Variants in CAST observed in about 807,000 individuals in gnomAD.
The protein encoded by CAST is MIR583 host.
In CAST, 76 loss-of-function variants were observed where a neutral mutation model predicts 119.6. The ratio of observed to expected loss-of-function variants is 0.64; its 90% CI spans 0.53 to 0.77. The LOEUF is 0.77. CAST is among the 30% of genes least tolerant of loss of function. CAST has a pLI of 0.00. For synonymous variants in CAST, 319 were observed against 331.6 expected (o/e 0.96, Z 0.41); for missense variants, 953 against 946.5 (o/e 1.01, Z -0.09).
chr5:96,437,082 G>A, the CAST span, among the ~76,000 whole-genome samples: 2 of 152,296 alleles, frequency 1.3e-5, no homozygotes, highest in South Asian at 4.1e-4. Context: ...GTGATTAGAA[G>A]ACCAAATATC....
chr5:96,383,259 G>GA, the CAST span, among the ~76,000 whole-genome samples: 109,474 of 152,006 alleles, frequency 0.72, 40,717 homozygotes, highest in African/African-American at 0.92. Context: ...AGAAATGGAG[G>GA]AAAGCATTTC....
the CAST span, among the ~76,000 whole-genome samples, chr5:96,114,388 G>A: frequency 2.0e-5 from 3 of 152,318 alleles, no homozygotes; most frequent in South Asian, 4.1e-4. Context: ...GTACATTGAA[G>A]TTTGAGAGCT....
chr5:96,658,582 G>T (rs1299160381), upstream of CAST, among the ~76,000 whole-genome samples: 1 of 152,144 alleles, frequency 6.6e-6, no homozygotes, highest in Non-Finnish European at 1.5e-5. Context: ...AAACTGCTTT[G>T]CCCCTGTCCA....
chr5:96,302,854 T>A, the CAST span, among the ~76,000 whole-genome samples: 1 of 152,230 alleles, frequency 6.6e-6, no homozygotes, highest in Non-Finnish European at 1.5e-5. Context: ...TGTTCCAAAC[T>A]GTCCCTTATC....
At chr5:96,469,966 A>G in the CAST span, among the ~76,000 whole-genome samples, 1 of 150,422 alleles carries the variant, frequency 6.6e-6, no homozygotes, top group Non-Finnish European at 1.5e-5. Context: ...ATTATTATAA[A>G]CATGATGTAA....
At chr5:96,592,251 A>T (rs1746974688) in intron 1 of CAST, among the ~76,000 whole-genome samples, 1 of 151,564 alleles carries the variant, frequency 6.6e-6, no homozygotes, top group Non-Finnish European at 1.5e-5. Context: ...ATACAGGGGG[A>T]TTGGCCAGGT....
chr5:96,265,792 G>T, the CAST span, among the ~76,000 whole-genome samples: 25 of 152,170 alleles, frequency 1.6e-4, no homozygotes, highest in Non-Finnish European at 2.9e-4. Context: ...GCCTATTGAA[G>T]TTGAAAACCC....
chr5:96,259,982 A>G, the CAST span, among the ~76,000 whole-genome samples: 8 of 151,814 alleles, frequency 5.3e-5, no homozygotes, highest in African/African-American at 1.9e-4. Flanking sequence ...CTATTTAACA[A>G]TTTACTCCAG....
the CAST span, among the ~76,000 whole-genome samples, chr5:96,431,124 C>T: frequency 6.6e-6 from 1 of 152,194 alleles, no homozygotes; most frequent in East Asian, 1.9e-4. Flanking sequence ...ATAGGTCATA[C>T]ATGATTTGTA....
the CAST span, among the ~76,000 whole-genome samples, chr5:96,332,469 T>TAG: frequency 1.3e-3 from 196 of 152,268 alleles, no homozygotes; most frequent in Non-Finnish European, 1.2e-3. Context: ...TAATATTGCT[T>TAG]ATCCTAAGTA....
the CAST span, among the ~76,000 whole-genome samples, chr5:96,192,691 T>G: frequency 6.6e-6 from 1 of 152,196 alleles, no homozygotes; most frequent in Non-Finnish European, 1.5e-5. Context: ...ACGTCAGACT[T>G]GGCCATGTGT....
At chr5:96,518,293 A>G in the CAST span, among the ~76,000 whole-genome samples, 1 of 152,238 alleles carries the variant, frequency 6.6e-6, no homozygotes, top group African/African-American at 2.4e-5. Context: ...TACAGATATT[A>G]TATCACTGAG....
the CAST span, among the ~76,000 whole-genome samples, chr5:96,310,415 G>A: frequency 1.3e-5 from 2 of 152,116 alleles, no homozygotes; most frequent in East Asian, 3.8e-4. Flanking sequence ...GTCTTTGTCT[G>A]GCTTTGGTAT....
intron 5 of CAST, 30 bp from the exon 6 acceptor site, chr5:96,727,459 C>T (rs748508151): frequency 1.5e-6 from 2 of 1,321,854 alleles, no homozygotes; most frequent in Non-Finnish European, 1.1e-6. Context: ...TTCTTCCTTC[C>T]TTTTTTTCTT....
chr5:96,655,952 A>G (rs1200519003), intron 1 of CAST, among the ~76,000 whole-genome samples: 1 of 152,258 alleles, frequency 6.6e-6, no homozygotes, highest in Non-Finnish European at 1.5e-5. Flanking sequence ...ATAAACATGA[A>G]CAGGCAAAGA....
intron 3 of CAST, among the ~76,000 whole-genome samples, chr5:96,704,015 G>A (rs1754435941): frequency 6.6e-6 from 1 of 152,162 alleles, no homozygotes; most frequent in South Asian, 2.1e-4. Flanking sequence ...AGGCAGTATA[G>A]GATTAAAATG....
intron 1 of CAST, among the ~76,000 whole-genome samples, chr5:96,566,542 G>A (rs935232161): frequency 6.6e-6 from 1 of 152,180 alleles, no homozygotes; most frequent in South Asian, 2.1e-4. Context: ...AGATGGAGGG[G>A]ACCTGCTGAA....
chr5:96,606,302 C>T (rs1747254285), intron 1 of CAST, among the ~76,000 whole-genome samples: 1 of 152,168 alleles, frequency 6.6e-6, no homozygotes, highest in South Asian at 2.1e-4. Context: ...TTAAACCGTA[C>T]CTTACCACCT....
chr5:96,338,523 G>C, the CAST span, among the ~76,000 whole-genome samples: 1 of 152,276 alleles, frequency 6.6e-6, no homozygotes, highest in South Asian at 2.1e-4. Flanking sequence ...TGAACTCTGA[G>C]TCTGGAGTGG....
Sources: allele counts gnomAD v4.1 joint callset (sites outside exome capture counted in the v4.1 genomes callset), GRCh38; gene constraint gnomAD v4.1.1; transcripts MANE v1.5; gene names NCBI Gene and HGNC (gene_info 2026-07-23, HGNC 2026-07-21).